The following GAB2 variants were observed in gnomAD, a reference collection of about 807,000 sequenced individuals.
The protein encoded by GAB2 is GRB2 associated binding protein 2, also known as GRB2-associated-binding protein 2.
A neutral mutation model predicts 65.5 loss-of-function variants in GAB2; 26 were observed. The ratio of observed to expected loss-of-function variants is 0.40; its 90% CI spans 0.29 to 0.55. The LOEUF is 0.55. Among genes scored for constraint, GAB2 ranks in the 20% least tolerant of loss-of-function variants. The pLI is 0.53. For synonymous variants in GAB2, 321 were observed against 329.6 expected, an observed-to-expected ratio of 0.97 and a Z score of 0.28; for missense variants, 884 against 875.8, an observed-to-expected ratio of 1.01 and a Z score of -0.12.
chr11:78,397,332 C>G (rs1449065864), intron 1 of GAB2, among the ~76,000 whole-genome samples: 1 of 152,190 alleles, frequency 6.6e-6, no homozygotes, highest in African/African-American at 2.4e-5. Flanking sequence ...CAATAACTTA[C>G]TGTGCTTTAG....
chr11:78,386,550 T>C (rs1856770098), intron 1 of GAB2, among the ~76,000 whole-genome samples: 1 of 152,242 alleles, frequency 6.6e-6, no homozygotes, highest in Admixed American at 6.5e-5. Flanking sequence ...AAACTGGTGC[T>C]ACACTGCTGC....
chr11:78,330,426 T>TC (rs1421257244), intron 1 of GAB2, among the ~76,000 whole-genome samples: 3 of 152,190 alleles, frequency 2.0e-5, no homozygotes, highest in African/African-American at 7.2e-5. Context: ...AAGTATCCAT[T>TC]CAAGAAAATG....
At chr11:78,235,271 G>C (rs1746849400) in intron 3 of GAB2, among the ~76,000 whole-genome samples, 1 of 151,848 alleles carries the variant, frequency 6.6e-6, no homozygotes, top group Non-Finnish European at 1.5e-5. Flanking sequence ...TCCTGCCTCA[G>C]TCTCCCGAGT....
At chr11:78,325,455 C>T (rs1440530728) in intron 1 of GAB2, among the ~76,000 whole-genome samples, 1 of 152,188 alleles carries the variant, frequency 6.6e-6, no homozygotes, top group African/African-American at 2.4e-5. Context: ...GTCCACTGAT[C>T]ATTCCAGACA....
Position 78,417,750 on chromosome 11 carries a change from G to C in GAB2, c.-30C>G, listed in dbSNP as rs760778328. The C allele has an allele frequency of 5.0e-6, 6 of 1,191,506 alleles. No individual in the cohort carries two copies. Among genetic ancestry groups the C allele is most frequent in the African/African-American group, 4.9e-5 (3 of 60,982 alleles). The allele number at this position is 1,191,506 out of a possible 1,614,324, so 73.8% of individuals were successfully genotyped here. A position where few individuals can be genotyped will look rare whatever the true frequency, so the allele number is the denominator to read the frequency against. Reference sequence around the variant, plus strand: ...CCGGCCTGGAGCCCCCCGCCGGGTCGCGCGGACGAGGGCGCGGGCTCGGGC... The same window carrying C: ...CCGGCCTGGAGCCCCCCGCCGGGTCCCGCGGACGAGGGCGCGGGCTCGGGC... On this transcript the variant is annotated 5_prime_UTR_variant, in exon 1 of 10. Coordinates refer to ENST00000361507, the MANE Select transcript of GAB2 (RefSeq NM_080491.3).
intron 1 of GAB2, among the ~76,000 whole-genome samples, chr11:78,310,846 C>T (rs578207822): frequency 5.5e-4 from 84 of 152,084 alleles, no homozygotes; most frequent in Non-Finnish European, 6.5e-4. Flanking sequence ...AGAAAGAGTA[C>T]CCTTGTGGGT....
chr11:78,293,146 C>G (rs1866725033), intron 1 of GAB2, among the ~76,000 whole-genome samples: 1 of 152,232 alleles, frequency 6.6e-6, no homozygotes, highest in South Asian at 2.1e-4. Flanking sequence ...GTTATTTCCA[C>G]TCCTCAAATG....
intron 1 of GAB2, among the ~76,000 whole-genome samples, chr11:78,284,335 A>C (rs1192294676): frequency 6.6e-6 from 1 of 152,262 alleles, no homozygotes; most frequent in Admixed American, 6.5e-5. Context: ...ACCGCAAAGT[A>C]AGAAAGCAGG....
intron 2 of GAB2, among the ~76,000 whole-genome samples, chr11:78,268,622 G>T (rs73494622): frequency 0.028 from 4,209 of 152,016 alleles, 154 homozygotes; most frequent in African/African-American, 0.088. Flanking sequence ...AGCTTCTGGC[G>T]CTGTGGAGTT....
intron 1 of GAB2, among the ~76,000 whole-genome samples, chr11:78,293,572 A>G (rs1424959631): frequency 6.6e-6 from 1 of 152,216 alleles, no homozygotes; most frequent in East Asian, 1.9e-4. Flanking sequence ...GACTCCAACT[A>G]TAGGCTTCAA....
rs369456922 is a variant in GAB2 at position 78,411,033 on chromosome 11, G to A, written c.75+6613C>T. ...CCAGGCACAGCAGTACGCAGCTGTC[G>A]TCCCAATTACTTGGGAGGCTGAGAC... On this transcript the variant is annotated intron_variant, in intron 1 of 9. Transcript: ENST00000361507. 2.8e-4 allele frequency among the ~76,000 whole-genome samples: 43 copies of A among 151,778 alleles called. 2 individuals carry two copies. In the South Asian group the frequency reaches 3.3e-3, roughly 12 times the overall value.
intron 1 of GAB2, among the ~76,000 whole-genome samples, chr11:78,314,485 C>T (rs1855561073): frequency 6.6e-6 from 1 of 152,164 alleles, no homozygotes; most frequent in African/African-American, 2.4e-5. Flanking sequence ...GTTTAAGTCC[C>T]ACCTTGATCT....
At chr11:78,284,482 C>A (rs1866419751) in intron 1 of GAB2, among the ~76,000 whole-genome samples, 1 of 152,240 alleles carries the variant, frequency 6.6e-6, no homozygotes, top group Admixed American at 6.5e-5. Context: ...ACCTCAGCTC[C>A]TGCTGCCCTC....
At chr11:78,350,937 A>T (rs2134704215) in intron 1 of GAB2, among the ~76,000 whole-genome samples, 1 of 152,346 alleles carries the variant, frequency 6.6e-6, no homozygotes, top group South Asian at 2.1e-4. Flanking sequence ...ACACAACCCG[A>T]CAGGGGAACT....
chr11:78,406,906 G>A (rs1482219820), intron 1 of GAB2, among the ~76,000 whole-genome samples: 1 of 151,040 alleles, frequency 6.6e-6, no homozygotes, highest in Non-Finnish European at 1.5e-5. Context: ...AAGATGTAAA[G>A]AAAAACCAAA....
At chr11:78,333,414 C>T (rs1321410814) in intron 1 of GAB2, among the ~76,000 whole-genome samples, 4 of 152,140 alleles carry the variant, frequency 2.6e-5, no homozygotes, top group African/African-American at 9.7e-5. Flanking sequence ...CAGGAATGCA[C>T]CACCATGCCC....
chr11:78,361,133 T>C lies in GAB2; in HGVS notation c.75+56513A>G, dbSNP rs1003745722. 7.9e-5 allele frequency among the ~76,000 whole-genome samples: 12 copies of C among 152,120 alleles called. 1 individual carries two copies. Among genetic ancestry groups the C allele is most frequent in the Non-Finnish European group, 1.0e-4 (7 of 68,024 alleles). On this transcript the variant is annotated intron_variant, in intron 1 of 9. Transcript: ENST00000361507. Reference sequence around the variant, plus strand: ...TGATAGAAGTAGCACCTCAAATCCATGGGAAAGATTTAATGACACTGTTAA... The same window carrying C: ...TGATAGAAGTAGCACCTCAAATCCACGGGAAAGATTTAATGACACTGTTAA...
chr11:78,414,740 T>A (rs185915044), intron 1 of GAB2, among the ~76,000 whole-genome samples: 3 of 152,294 alleles, frequency 2.0e-5, no homozygotes, highest in African/African-American at 7.2e-5. Context: ...ATAGGTCTCT[T>A]ATACTTATAC....
intron 1 of GAB2, among the ~76,000 whole-genome samples, chr11:78,352,731 A>C (rs183793972): frequency 6.6e-6 from 1 of 152,322 alleles, no homozygotes; most frequent in East Asian, 1.9e-4. Flanking sequence ...CAAAAAAAAC[A>C]TAAGGGGTTT....
Sources: allele counts gnomAD v4.1 joint callset (sites outside exome capture counted in the v4.1 genomes callset), GRCh38; gene constraint gnomAD v4.1.1; transcripts MANE v1.5; gene names NCBI Gene and HGNC (gene_info 2026-07-23, HGNC 2026-07-21).